BRINP1: variants seen among roughly 807,000 people sequenced by gnomAD.
BRINP1 encodes the protein BMP/retinoic acid-inducible neural-specific protein 1.
A neutral mutation model predicts 72.9 loss-of-function variants in BRINP1; 17 were observed. That is an observed-to-expected ratio of 0.23 (90% confidence interval 0.16 to 0.35). The LOEUF (loss-of-function observed/expected upper bound fraction) is 0.35. Among genes scored for constraint, BRINP1 ranks in the 10% least tolerant of loss-of-function variants. BRINP1 has a pLI of 1.00. For missense variants in BRINP1, 850 were observed against 1,001.6 expected (o/e 0.85, Z 2.04); for synonymous variants, 418 against 378.5 (o/e 1.10, Z -1.21).
intron 5 of BRINP1, among the ~76,000 whole-genome samples, chr9:119,216,502 A>T (rs4144592): frequency 6.6e-6 from 1 of 152,004 alleles, no homozygotes; most frequent in Non-Finnish European, 1.5e-5. Flanking sequence ...TTCTGAACTG[A>T]GTCTACAATT....
chr9:119,267,421 G>T (rs1387940858), intron 2 of BRINP1, among the ~76,000 whole-genome samples: 3 of 152,044 alleles, frequency 2.0e-5, no homozygotes, highest in African/African-American at 7.2e-5. Flanking sequence ...GATCACCTGA[G>T]GTCAGGTGTT....
At chr9:119,252,143 T>A (rs1010026148) in intron 2 of BRINP1, among the ~76,000 whole-genome samples, 1 of 152,108 alleles carries the variant, frequency 6.6e-6, no homozygotes, top group Non-Finnish European at 1.5e-5. Context: ...TATGGAGACA[T>A]CCACATGGCA....
chr9:119,338,909 A>C, intron 1 of BRINP1, among the ~76,000 whole-genome samples: 1 of 151,104 alleles, frequency 6.6e-6, no homozygotes. Flanking sequence ...ACAAAAAAAA[A>C]CAACAACAAA....
chr9:119,245,395 T>G (rs1830303742), intron 3 of BRINP1, among the ~76,000 whole-genome samples: 2 of 152,198 alleles, frequency 1.3e-5, no homozygotes, highest in Admixed American at 1.3e-4. Flanking sequence ...GCACGCATAG[T>G]CATACATCCA....
At chr9:119,233,697 A>G (rs1444345610) in intron 5 of BRINP1, among the ~76,000 whole-genome samples, 1 of 152,222 alleles carries the variant, frequency 6.6e-6, no homozygotes, top group African/African-American at 2.4e-5. Flanking sequence ...CAGCTTTTTG[A>G]ATTTTCACAA....
intron 6 of BRINP1, 136 bp from the exon 7 acceptor site, chr9:119,209,077 A>T: frequency 1.5e-6 from 1 of 669,534 alleles, no homozygotes; most frequent in Non-Finnish European, 2.6e-6. Flanking sequence ...GCCATAGAAC[A>T]TTGCATTAGT....
intron 1 of BRINP1, among the ~76,000 whole-genome samples, chr9:119,330,245 A>G (rs1219165904): frequency 6.6e-6 from 1 of 152,120 alleles, no homozygotes; most frequent in African/African-American, 2.4e-5. Context: ...TTACCTCCTC[A>G]TCACCTGAAG....
At chr9:119,304,252 G>A (rs574811217) in intron 2 of BRINP1, among the ~76,000 whole-genome samples, 1 of 152,240 alleles carries the variant, frequency 6.6e-6, no homozygotes, top group African/African-American at 2.4e-5. Context: ...TTTGCAGATG[G>A]AGAAATTGAG....
intron 2 of BRINP1, among the ~76,000 whole-genome samples, chr9:119,287,343 C>T (rs1830772565): frequency 6.6e-6 from 1 of 152,134 alleles, no homozygotes; most frequent in South Asian, 2.1e-4. Context: ...CACATACTCT[C>T]CTGGGAGTAG....
intron 1 of BRINP1, among the ~76,000 whole-genome samples, chr9:119,362,545 C>A (rs762915116): frequency 1.3e-5 from 2 of 152,090 alleles, no homozygotes; most frequent in South Asian, 2.1e-4. Flanking sequence ...ATCACCATAC[C>A]CCCCAAGTCA....
chr9:119,364,859 C>T (rs1352476218), intron 1 of BRINP1, among the ~76,000 whole-genome samples: 1 of 152,234 alleles, frequency 6.6e-6, no homozygotes, highest in Non-Finnish European at 1.5e-5. Flanking sequence ...TCATTGGAAT[C>T]CCCATATTCT....
chr9:119,179,614 A>ATCCTCACATCAACCCCATGAGATAGG (rs2118836382), intron 7 of BRINP1, among the ~76,000 whole-genome samples: 1 of 152,290 alleles, frequency 6.6e-6, no homozygotes, highest in East Asian at 1.9e-4. Flanking sequence ...TTACCACTTT[A>ATCCTCACATCAACCCCATGAGATAGG]TCCTCACATC....
intron 1 of BRINP1, among the ~76,000 whole-genome samples, chr9:119,328,225 A>C (rs1267158987): frequency 2.0e-5 from 3 of 152,224 alleles, no homozygotes; most frequent in Non-Finnish European, 4.4e-5. Flanking sequence ...GTGCTAGAAC[A>C]AGATAAAGAT....
At chr9:119,319,533 G>A (rs1420113645) in intron 1 of BRINP1, among the ~76,000 whole-genome samples, 1 of 152,188 alleles carries the variant, frequency 6.6e-6, no homozygotes, top group Non-Finnish European at 1.5e-5. Context: ...CTCCCATTAT[G>A]TAAATAAGAC....
chr9:119,257,145 C>T lies in BRINP1; in HGVS notation c.219-7995G>A, dbSNP rs1021218343. Among the ~76,000 whole-genome samples the T allele has an allele frequency of 1.2e-4, 18 of 152,194 alleles. 1 individual carries two copies. Among genetic ancestry groups the T allele is most frequent in the African/African-American group, 4.3e-4 (18 of 41,458 alleles). ...AGGGGAATTATAGCCAAAAGCCATA[C>T]AGTCAGAAAGACAGCAGAGTAGTTG... is the stretch of plus-strand genomic sequence containing the variant. On this transcript the variant is annotated intron_variant, in intron 2 of 7. Transcript: ENST00000265922.
intron 2 of BRINP1, 65 bp from the exon 3 acceptor site, chr9:119,249,215 C>T (rs935010494): frequency 2.0e-6 from 3 of 1,484,514 alleles, no homozygotes; most frequent in Admixed American, 3.8e-5. Context: ...AAAGTCCACC[C>T]AACCATCCAT....
At chr9:119,299,889 A>C (rs1830922853) in intron 2 of BRINP1, among the ~76,000 whole-genome samples, 1 of 152,194 alleles carries the variant, frequency 6.6e-6, no homozygotes, top group South Asian at 2.1e-4. Context: ...CATTACAGCC[A>C]TTATAAATTG....
intron 1 of BRINP1, among the ~76,000 whole-genome samples, chr9:119,357,633 G>A (rs1359004100): frequency 6.6e-6 from 1 of 152,202 alleles, no homozygotes; most frequent in Non-Finnish European, 1.5e-5. Context: ...TATTCATGAT[G>A]CTGACAGATA....
At chr9:119,332,299 A>G (rs1440867326) in intron 1 of BRINP1, among the ~76,000 whole-genome samples, 2 of 152,204 alleles carry the variant, frequency 1.3e-5, no homozygotes, top group African/African-American at 4.8e-5. Flanking sequence ...ACAAAAAAAA[A>G]TTGTAAACAC....
Sources: gnomAD v4.1 joint callset for allele counts (sites outside exome capture counted in the v4.1 genomes callset) on GRCh38, gnomAD v4.1.1 for gene constraint, MANE v1.5 for transcripts, NCBI Gene and HGNC (gene_info 2026-07-23, HGNC 2026-07-21) for gene names.